The following SLX4IP variants were observed in gnomAD, a reference collection of about 807,000 sequenced individuals.
The protein encoded by SLX4IP is SLX4 interacting protein, also known as protein SLX4IP.
A neutral mutation model predicts 32.9 loss-of-function variants in SLX4IP; 34 were observed. The observed-to-expected ratio is 1.03, with a 90% confidence interval of 0.79 to 1.38. The LOEUF (loss-of-function observed/expected upper bound fraction) is 1.38, where lower values mean the gene tolerates loss of function less well. Ranked by LOEUF, SLX4IP falls within the 40% of genes most tolerant of loss-of-function variation. The pLI is 0.00. For missense variants in SLX4IP, 444 were observed against 479.0 expected, an observed-to-expected ratio of 0.93 and a Z score of 0.68; for synonymous variants, 172 against 171.7, an observed-to-expected ratio of 1.00 and a Z score of -0.01.
chr20:10,530,533 C>G (rs1039453979), intron 2 of SLX4IP, among the ~76,000 whole-genome samples: 1 of 152,176 alleles, frequency 6.6e-6, no homozygotes, highest in Non-Finnish European at 1.5e-5. Context: ...TCCATGGAGT[C>G]TGCGTGCTCA....
intron 4 of SLX4IP, among the ~76,000 whole-genome samples, chr20:10,576,262 T>C (rs896034061): frequency 1.1e-4 from 17 of 152,206 alleles, no homozygotes; most frequent in Non-Finnish European, 2.5e-4. Context: ...TTTGGTACGA[T>C]AGACATTTAT....
chr20:10,600,799 A>G (rs1024478223), intron 5 of SLX4IP, among the ~76,000 whole-genome samples: 1 of 152,162 alleles, frequency 6.6e-6, no homozygotes, highest in Non-Finnish European at 1.5e-5. Flanking sequence ...AAATGACTTA[A>G]TTTCTATCAC....
chr20:10,486,427 A>G (rs1361914564), intron 2 of SLX4IP, among the ~76,000 whole-genome samples: 1 of 152,172 alleles, frequency 6.6e-6, no homozygotes, highest in Non-Finnish European at 1.5e-5. Context: ...GTACCTGAAG[A>G]ATCAAGAACT....
intron 4 of SLX4IP, among the ~76,000 whole-genome samples, chr20:10,565,001 ATT>A (rs1023970208): frequency 2.0e-5 from 3 of 152,192 alleles, no homozygotes; most frequent in South Asian, 2.1e-4. Flanking sequence ...AGAACTGCAT[ATT>A]TATAGTTTAG....
At chr20:10,491,667 A>G (rs1274772506) in intron 2 of SLX4IP, among the ~76,000 whole-genome samples, 1 of 152,210 alleles carries the variant, frequency 6.6e-6, no homozygotes, top group South Asian at 2.1e-4. Flanking sequence ...TGTGTTATGT[A>G]ATAATTTGAT....
At chr20:10,525,378 C>G (rs1568723929) in intron 2 of SLX4IP, among the ~76,000 whole-genome samples, 1 of 152,114 alleles carries the variant, frequency 6.6e-6, no homozygotes, top group Admixed American at 6.5e-5. Flanking sequence ...ATTTAGCACT[C>G]ATACCTCTTG....
At chr20:10,546,627 A>T (rs1259663584) in intron 2 of SLX4IP, among the ~76,000 whole-genome samples, 1 of 152,200 alleles carries the variant, frequency 6.6e-6, no homozygotes, top group East Asian at 1.9e-4. Context: ...ACATTGTCTC[A>T]TGTCATCCTC....
intron 2 of SLX4IP, among the ~76,000 whole-genome samples, chr20:10,525,310 A>G (rs2065932177): frequency 6.6e-6 from 1 of 152,112 alleles, no homozygotes; most frequent in Non-Finnish European, 1.5e-5. Context: ...TTACCTGTTT[A>G]TACAGTAATT....
At chr20:10,523,226 C>T (rs530132050) in intron 2 of SLX4IP, among the ~76,000 whole-genome samples, 6 of 152,224 alleles carry the variant, frequency 3.9e-5, no homozygotes, top group South Asian at 4.1e-4. Context: ...TGCTATACCA[C>T]GAGATACTGT....
At chr20:10,464,367 A>G (rs1465592608) in intron 2 of SLX4IP, among the ~76,000 whole-genome samples, 2 of 152,106 alleles carry the variant, frequency 1.3e-5, no homozygotes, top group African/African-American at 4.8e-5. Flanking sequence ...TCTATGCATT[A>G]ATATAAAAAT....
intron 4 of SLX4IP, among the ~76,000 whole-genome samples, chr20:10,564,520 A>G (rs1033175748): frequency 6.6e-6 from 1 of 152,184 alleles, no homozygotes; most frequent in Non-Finnish European, 1.5e-5. Context: ...ACTTGGGTAT[A>G]TATACTTAAT....
At chr20:10,529,452 A>G (rs575216070) in intron 2 of SLX4IP, among the ~76,000 whole-genome samples, 1 of 151,882 alleles carries the variant, frequency 6.6e-6, no homozygotes, top group Non-Finnish European at 1.5e-5. Flanking sequence ...TTAGCTGGGC[A>G]TGGTGGCAGG....
chr20:10,469,031 T>A (rs1260335434), intron 2 of SLX4IP, among the ~76,000 whole-genome samples: 2 of 151,706 alleles, frequency 1.3e-5, no homozygotes, highest in Non-Finnish European at 2.9e-5. Flanking sequence ...ACAATAGCTT[T>A]AAAAAAAAAT....
At chr20:10,511,410 A>G (rs2049790612) in intron 2 of SLX4IP, among the ~76,000 whole-genome samples, 1 of 152,172 alleles carries the variant, frequency 6.6e-6, no homozygotes, top group South Asian at 2.1e-4. Context: ...GAACTCCATG[A>G]GACTGTCTGT....
rs538784804 is a variant in SLX4IP at position 10,508,777 on chromosome 20, C to T, written c.28-47454C>T. 2.0e-5 allele frequency among the ~76,000 whole-genome samples: 3 copies of T among 152,284 alleles called. 1 individual carries two copies. In the South Asian group the frequency reaches 6.2e-4, roughly 32 times the overall value. ...CTAACTCTGCTTCAGTTGCATTTCT[C>T]ACTCTTTATTTATGAGTTCCATCCG... On this transcript the variant is annotated intron_variant, in intron 2 of 7. Coordinates refer to ENST00000334534, the MANE Select transcript of SLX4IP (RefSeq NM_001009608.3).
intron 4 of SLX4IP, among the ~76,000 whole-genome samples, chr20:10,574,757 C>T (rs1471135109): frequency 1.3e-5 from 2 of 152,216 alleles, no homozygotes; most frequent in East Asian, 3.9e-4. Context: ...ACTGTAACCA[C>T]CACCTCCCAG....
At chr20:10,546,657 G>GT (rs780941919) in intron 2 of SLX4IP, among the ~76,000 whole-genome samples, 19 of 152,146 alleles carry the variant, frequency 1.2e-4, no homozygotes, top group Non-Finnish European at 2.4e-4. Context: ...CCATGATGTA[G>GT]TTTTCATTGC....
intron 4 of SLX4IP, among the ~76,000 whole-genome samples, chr20:10,586,253 T>C (rs953178857): frequency 1.1e-4 from 16 of 152,196 alleles, no homozygotes; most frequent in Admixed American, 5.2e-4. Context: ...TAACAATTCA[T>C]GAATCAGGCA....
At chr20:10,519,472 C>T (rs1012235412) in intron 2 of SLX4IP, among the ~76,000 whole-genome samples, 1 of 152,158 alleles carries the variant, frequency 6.6e-6, no homozygotes, top group African/African-American at 2.4e-5. Flanking sequence ...TTATACAACA[C>T]GTGGTGTTTT....
Sources: allele counts gnomAD v4.1 joint callset (sites outside exome capture counted in the v4.1 genomes callset), GRCh38; gene constraint gnomAD v4.1.1; transcripts MANE v1.5; gene names NCBI Gene and HGNC (gene_info 2026-07-23, HGNC 2026-07-21).